MRPS25: variants seen among roughly 807,000 people sequenced by gnomAD.
The protein encoded by MRPS25 is small ribosomal subunit protein mS25.
Under a neutral mutation model 17.3 loss-of-function variants are expected in MRPS25, and 15 were observed. That is an observed-to-expected ratio of 0.87 (90% confidence interval 0.58 to 1.34). MRPS25 has a LOEUF of 1.34. MRPS25 is among the 40% of genes most tolerant of loss of function. MRPS25 has a pLI of 0.00. For missense variants in MRPS25, 225 were observed against 218.6 expected, an observed-to-expected ratio of 1.03 and a Z score of -0.19; for synonymous variants, 94 against 83.3, an observed-to-expected ratio of 1.13 and a Z score of -0.70.
At chr3:15,045,171 C>G (rs567932455), downstream of MRPS25, 2 of 152,320 alleles carry the variant, frequency 1.3e-5, no homozygotes, top group African/African-American at 2.4e-5. Context: ...AGTGGTGCCT[C>G]TAACACAGAT....
intron 2 of MRPS25, among the ~76,000 whole-genome samples, chr3:15,055,055 C>A (rs939828561): frequency 6.6e-6 from 1 of 152,136 alleles, no homozygotes; most frequent in Non-Finnish European, 1.5e-5. Context: ...AAAGGGGGAG[C>A]AAGGAGTCTC....
At position 15,049,541 on chromosome 3, in the gene MRPS25, C is replaced by T; in HGVS notation, c.*2900G>A. 1 of 308,106 alleles carries T rather than the reference C, an allele frequency of 3.2e-6. No homozygotes were observed. The highest frequency in any genetic ancestry group is 5.9e-6 in the Non-Finnish European group (1 of 168,930). The allele number at this position is 308,106 out of a possible 1,614,324, so 19.1% of individuals were successfully genotyped here. ...CCTTGGTGTGGAGGTAGGGAAGCCA[C>T]ACACATGTTTCTGGAGCAGAGCACA... On this transcript the variant is annotated 3_prime_UTR_variant, in exon 4 of 4. Coordinates refer to ENST00000253686, the MANE Select transcript of MRPS25 (RefSeq NM_022497.5).
chr3:15,058,549 G>T (rs781431576), intron 2 of MRPS25, among the ~76,000 whole-genome samples: 2 of 152,098 alleles, frequency 1.3e-5, no homozygotes, highest in African/African-American at 2.4e-5. Context: ...TAATCTCCAC[G>T]AGGGCAGCAG....
In MRPS25 at chr3:15,050,433, A is replaced by G. The variant is rs1050699424; in HGVS notation, c.*2008T>C. On this transcript the variant is annotated 3_prime_UTR_variant, in exon 4 of 4. Coordinates refer to ENST00000253686, the MANE Select transcript of MRPS25 (RefSeq NM_022497.5). ...CTGGTTAGCAGCCTCTTTGGGCCCT[A>G]GAGGGAAGGAATACTCTCATAAGGC... 1.7e-5 allele frequency: 17 copies of G among 1,000,068 alleles called. No individual in the cohort carries two copies. The highest frequency in any genetic ancestry group is 4.4e-5 in the South Asian group (1 of 22,910). 61.9% of individuals were successfully genotyped at this position (1,000,068 alleles called of 1,614,324 possible). A position where few individuals can be genotyped will look rare whatever the true frequency, so the allele number is the denominator to read the frequency against.
Position 15,051,131 on chromosome 3 carries a change from G to C in MRPS25, c.*1310C>G, listed in dbSNP as rs1173504970. 4 of 985,262 alleles carry C rather than the reference G, an allele frequency of 4.1e-6. No homozygotes were observed. The highest frequency in any genetic ancestry group is 4.8e-6 in the Non-Finnish European group (4 of 829,928). 61.0% of individuals were successfully genotyped at this position (985,262 alleles called of 1,614,324 possible). On this transcript the variant is annotated 3_prime_UTR_variant, in exon 4 of 4. Transcript: ENST00000253686. The stretch of plus-strand genomic sequence containing the variant: ...CAGATAAAGTCAGGTCTCCTTGGCT[G>C]AGTTTCTAGGGGTCCGTGGTCCAAC...
intron 1 of MRPS25, among the ~76,000 whole-genome samples, chr3:15,062,021 A>G (rs2042772289): frequency 7.0e-6 from 1 of 143,742 alleles, no homozygotes; most frequent in African/African-American, 2.6e-5. Context: ...TCCGCCCGGC[A>G]GCCGCCCCGT....
chr3:15,065,035 G>T, intron 1 of MRPS25, 26 bp downstream of exon 1: 1 of 1,522,878 alleles, frequency 6.6e-7, no homozygotes. Flanking sequence ...GTTACGGCTC[G>T]CCAGGCGGCC....
Position 15,049,167 on chromosome 3 carries a change from T to C in MRPS25, c.*3274A>G, listed in dbSNP as rs564574924. On this transcript the variant is annotated 3_prime_UTR_variant, in exon 4 of 4. Transcript: ENST00000253686. ...ATATAGAGTATTGCAGTGCATGAAT[T>C]AGCTTTATGCATTTTATTAAATGCT... is the stretch of plus-strand genomic sequence containing the variant. The C allele has an allele frequency of 1.3e-5, 2 of 152,784 alleles. No homozygotes were observed. Among genetic ancestry groups the C allele is most frequent in the South Asian group, 4.1e-4 (2 of 4,828 alleles). 9.5% of individuals were successfully genotyped at this position (152,784 alleles called of 1,614,324 possible). A position where few individuals can be genotyped will look rare whatever the true frequency, so the allele number is the denominator to read the frequency against.
chr3:15,059,496 A>C (rs1297640266), intron 1 of MRPS25, 21 bp from the exon 2 acceptor site: 3 of 1,535,836 alleles, frequency 2.0e-6, no homozygotes, highest in African/African-American at 2.7e-5. Flanking sequence ...GAAGAAATGA[A>C]GCCTATGAAA....
intron 2 of MRPS25, 115 bp downstream of exon 2, chr3:15,059,254 C>T: frequency 2.7e-6 from 2 of 748,494 alleles, no homozygotes; most frequent in South Asian, 1.5e-5. Context: ...CCAGGAGTCA[C>T]AGACACACCA....
intron 2 of MRPS25, among the ~76,000 whole-genome samples, chr3:15,055,485 A>G (rs1001673869): frequency 1.3e-5 from 2 of 152,252 alleles, no homozygotes; most frequent in Non-Finnish European, 2.9e-5. Context: ...GATGCGGAGT[A>G]ACAGGAACTC....
At chr3:15,063,047 GAA>G (rs771913741) in intron 1 of MRPS25, among the ~76,000 whole-genome samples, 7 of 112,294 alleles carry the variant, frequency 6.2e-5, no homozygotes, top group Admixed American at 9.3e-5. Context: ...ATGATCAATT[GAA>G]AAAAAAAAAA....
At chr3:15,044,560 C>T (rs571192875), downstream of MRPS25, 5 of 152,296 alleles carry the variant, frequency 3.3e-5, no homozygotes, top group Admixed American at 3.3e-4. Flanking sequence ...TGTGGAAGAC[C>T]CGGTCAATTG....
chr3:15,064,982 G>A, intron 1 of MRPS25, 79 bp downstream of exon 1: 2 of 1,515,252 alleles, frequency 1.3e-6, no homozygotes, highest in East Asian at 2.4e-5. Context: ...CGCCCAGAGC[G>A]ACTCGGGACC....
chr3:15,052,568 C>T lies in MRPS25; in HGVS notation c.395G>A (p.Arg132Gln), dbSNP rs143426565. 450 of 1,614,178 alleles carry T rather than the reference C, an allele frequency of 2.8e-4. 1 individual carries two copies. The African/African-American group carries it at 3.8e-3, about 14-fold the overall frequency. ...QLSHPANFGP[R>Q]KYCLRECICE... The stretch of plus-strand genomic sequence containing the variant: ...GATGCACTCCCGCAGGCAGTACTTT[C>T]GAGGGCCGAAGTTGGCTGGGTGAGA... The change falls in exon 4 of 4, where the codon CGA (arginine) becomes CAA (glutamine). Residue 132 changes from arginine (R) to glutamine (Q), a missense_variant. Physicochemically the swap from Arg to Gln is conservative, Grantham distance 43. Transcript: ENST00000253686.
At position 15,053,464 on chromosome 3, in the gene MRPS25, G is replaced by A. The variant is rs774371312; in HGVS notation, c.245C>T (p.Ser82Phe). The part of the protein sequence containing the change: ...PSPFLRFYLD[S>F]GEQVLVDVET... ...CACATCCACCAGGACCTGCTCCCCA[G>A]AATCTGGAAACGGAAAGCACGGGGC... Residue 82 changes from serine (S) to phenylalanine (F), a missense_variant, in exon 3 of 4, where the codon TCT becomes TTT. Ser to Phe is a radical substitution (Grantham distance 155, BLOSUM62 -2). Transcript: ENST00000253686. 3 of 1,614,016 alleles carry A rather than the reference G, an allele frequency of 1.9e-6. No individual in the cohort carries two copies. The highest frequency in any genetic ancestry group is 1.6e-4 in the Middle Eastern group (1 of 6,084).
At position 15,052,425 on chromosome 3, in the gene MRPS25, ACAGTGAC is replaced by A. The variant is rs752127041; in HGVS notation, c.*9_*15del. On this transcript the variant is annotated 3_prime_UTR_variant, in exon 4 of 4. Transcript: ENST00000253686. ...TGGTCAGACACCATCACCCCAGCCC[ACAGTGAC>A]CGTGGGCCTTAGTCCTGGGCATCGG... is the stretch of plus-strand genomic sequence containing the variant. The A allele has an allele frequency of 7.5e-6, 12 of 1,606,724 alleles. No individual in the cohort carries two copies. Among genetic ancestry groups the A allele is most frequent in the Non-Finnish European group, 9.4e-6 (11 of 1,174,166 alleles).
chr3:15,061,989 CGTCTGGG>C (rs2042771607), intron 1 of MRPS25, among the ~76,000 whole-genome samples: 1 of 149,448 alleles, frequency 6.7e-6, no homozygotes, highest in Non-Finnish European at 1.5e-5. Flanking sequence ...GCAGCCGCCC[CGTCTGGG>C]AAGTGAGGAG....
chr3:15,051,580 T>C lies in MRPS25; in HGVS notation c.*861A>G. The C allele has an allele frequency of 1.0e-6, 1 of 985,424 alleles. No homozygotes were observed. Among genetic ancestry groups the C allele is most frequent in the Non-Finnish European group, 1.2e-6 (1 of 829,920 alleles). 61.0% of individuals were successfully genotyped at this position (985,424 alleles called of 1,614,324 possible). ...ATAACTAAAGTGACAGTAACATCAG[T>C]GTCCTATGAGGAAAGAACAAGGAAG... On this transcript the variant is annotated 3_prime_UTR_variant, in exon 4 of 4. Coordinates refer to ENST00000253686, the MANE Select transcript of MRPS25 (RefSeq NM_022497.5).
Sources: gnomAD v4.1 joint callset for allele counts (sites outside exome capture counted in the v4.1 genomes callset) on GRCh38, gnomAD v4.1.1 for gene constraint, MANE v1.5 for transcripts, NCBI Gene and HGNC (gene_info 2026-07-23, HGNC 2026-07-21) for gene names.